SRSF7: variants seen among roughly 807,000 people sequenced by gnomAD.
SRSF7 encodes the protein serine/arginine-rich splicing factor 7.
In SRSF7, 15 loss-of-function variants were observed where a neutral mutation model predicts 42.2. The observed-to-expected ratio is 0.36, with a 90% CI of 0.24 to 0.55. SRSF7 has a LOEUF of 0.55. Ranked by LOEUF, SRSF7 falls within the 20% of genes least tolerant of loss-of-function variation. The pLI, the probability that SRSF7 is intolerant of heterozygous loss-of-function variation, is 0.88. For missense variants in SRSF7, 181 were observed against 305.9 expected (o/e 0.59, Z 3.04); for synonymous variants, 138 against 107.9 (o/e 1.28, Z -1.73).
Position 38,749,648 on chromosome 2 carries a change from T to A in SRSF7, c.267A>T (p.Ser89=). Residue 89 remains serine, a synonymous_variant, in exon 3 of 8, where the codon TCA becomes TCT. Coordinates refer to ENST00000313117, the MANE Select transcript of SRSF7 (RefSeq NM_001031684.3). ...VELSTGMPRR[S]RFDRPPARRP... is the part of the protein sequence containing the mutation. ...GTCGGGCAGGTGGTCTATCAAAACG[T>A]GATCTCCGAGGCATGCCTGTCGATA... 1.2e-6 allele frequency: 2 copies of A among 1,602,188 alleles called. No homozygotes were observed. The highest frequency in any genetic ancestry group is 1.3e-5 in the African/African-American group (1 of 74,322).
chr2:38,749,755 CTTATAGAT>C, intron 2 of SRSF7, 50 bp from the exon 3 acceptor site: 4 of 1,468,886 alleles, frequency 2.7e-6, no homozygotes, highest in Non-Finnish European at 3.6e-6. Flanking sequence ...ATATTCAGGA[CTTATAGAT>C]TTAAAAAGAA....
chr2:38,748,498 A>C, intron 4 of SRSF7, 81 bp downstream of exon 4: 1 of 1,474,640 alleles, frequency 6.8e-7, no homozygotes, highest in Non-Finnish European at 9.4e-7. Flanking sequence ...GTCTCCAAAA[A>C]AAATAATGAG....
Position 38,744,557 on chromosome 2 carries a change from A to T in SRSF7, c.*576T>A. ...TTTAGTTCCTGTCATGCTCATTTAGACACATCAGTGGTCCTACTTGCTTCA... is the reference window on the plus strand; with the variant it reads ...TTTAGTTCCTGTCATGCTCATTTAGTCACATCAGTGGTCCTACTTGCTTCA... On this transcript the variant is annotated 3_prime_UTR_variant, in exon 8 of 8. Coordinates refer to ENST00000313117, the MANE Select transcript of SRSF7 (RefSeq NM_001031684.3). The T allele has an allele frequency of 6.6e-6, 1 of 152,392 alleles. No homozygotes were observed. Among genetic ancestry groups the T allele is most frequent in the Non-Finnish European group, 1.5e-5 (1 of 68,198 alleles). 9.4% of individuals were successfully genotyped at this position (152,392 alleles called of 1,614,324 possible).
intron 1 of SRSF7, chr2:38,750,693 T>TA (rs34409505): frequency 0.56 from 88,042 of 156,318 alleles, 26,347 homozygotes; most frequent in East Asian, 0.87. Flanking sequence ...TGGAAATAAC[T>TA]AAAAAAAACC....
Position 38,745,127 on chromosome 2 carries a change from A to G in SRSF7, c.*6T>C. 1 of 1,614,122 alleles carries G rather than the reference A, an allele frequency of 6.2e-7. No individual in the cohort carries two copies. The highest frequency in any genetic ancestry group is 1.1e-5 in the South Asian group (1 of 91,070). On this transcript the variant is annotated 3_prime_UTR_variant, in exon 8 of 8. Transcript: ENST00000313117. ...AACTTTTCCCTAAAGGGTGAACTTG[A>G]GAGCTTCAGTCCATTCTTTCAGGAC...
At chr2:38,746,060 C>G (rs1667357949) in intron 7 of SRSF7, 84 bp downstream of exon 7, 2 of 1,408,870 alleles carry the variant, frequency 1.4e-6, no homozygotes, top group Non-Finnish European at 2.0e-6. Context: ...CCAAAGAGCT[C>G]AAAGACTGCA....
chr2:38,748,181 A>C, intron 4 of SRSF7, 24 bp from the exon 5 acceptor site: 1 of 1,559,156 alleles, frequency 6.4e-7, no homozygotes, highest in South Asian at 1.2e-5. Flanking sequence ...CTTTAAGTCC[A>C]TCTCCACAGT....
upstream of SRSF7, chr2:38,751,401 G>A (rs899841618): frequency 3.2e-5 from 35 of 1,078,820 alleles, no homozygotes; most frequent in Non-Finnish European, 4.4e-5. Context: ...TGCGGCCGCT[G>A]CGCTTTGCGC....
intron 1 of SRSF7, 44 bp from the exon 2 acceptor site, chr2:38,750,238 T>C: frequency 1.3e-6 from 2 of 1,546,916 alleles, no homozygotes; most frequent in Non-Finnish European, 1.7e-6. Flanking sequence ...ACGCAAAATC[T>C]GGCCCAAGTT....
intron 5 of SRSF7, 140 bp downstream of exon 5, chr2:38,747,907 G>T: frequency 1.8e-6 from 1 of 568,860 alleles, no homozygotes; most frequent in Non-Finnish European, 3.1e-6. Flanking sequence ...TAATATTTAT[G>T]TTACAAGTTA....
intron 7 of SRSF7, among the ~76,000 whole-genome samples, chr2:38,745,845 G>T (rs988523610): frequency 2.0e-5 from 3 of 152,180 alleles, no homozygotes; most frequent in African/African-American, 7.2e-5. Flanking sequence ...TCCACACTTT[G>T]TATCTATTGT....
chr2:38,746,158 T>G lies in SRSF7; in HGVS notation c.648A>C (p.Pro216=). 1 of 1,614,122 alleles carries G rather than the reference T, an allele frequency of 6.2e-7. No homozygotes were observed. The highest frequency in any genetic ancestry group is 8.5e-7 in the Non-Finnish European group (1 of 1,180,008). Residue 216 remains proline, a synonymous_variant, in exon 7 of 8, where the codon CCA becomes CCC. Transcript: ENST00000313117. ...ATTTAGCTTACCTTCTTTTTGGAGATGGAGATCTGGACTTTGATCGGCTGT... is the reference window on the plus strand; with the variant it reads ...ATTTAGCTTACCTTCTTTTTGGAGAGGGAGATCTGGACTTTGATCGGCTGT... The part of the protein sequence containing the change: ...PRSSRSKSRS[P]SPKRSRSPSG...
chr2:38,745,236 T>A (rs1368030960), intron 7 of SRSF7, 49 bp from the exon 8 acceptor site: 1 of 1,593,024 alleles, frequency 6.3e-7, no homozygotes, highest in East Asian at 2.2e-5. Flanking sequence ...CAATTGAAAC[T>A]CTCATGTACA....
chr2:38,747,212 C>G (rs997853477), intron 5 of SRSF7: 6 of 393,462 alleles, frequency 1.5e-5, no homozygotes, highest in Middle Eastern at 7.1e-4. Context: ...AGCCGCCCCC[C>G]ATTTGTAAGG....
chr2:38,751,361 C>T lies in SRSF7; in HGVS notation c.-105G>A. 1.3e-6 allele frequency: 2 copies of T among 1,509,870 alleles called. No individual in the cohort carries two copies. The highest frequency in any genetic ancestry group is 1.8e-6 in the Non-Finnish European group (2 of 1,092,574). 93.5% of individuals were successfully genotyped at this position (1,509,870 alleles called of 1,614,324 possible). On this transcript the variant is annotated 5_prime_UTR_variant, in exon 1 of 8. Coordinates refer to ENST00000313117, the MANE Select transcript of SRSF7 (RefSeq NM_001031684.3). The stretch of plus-strand genomic sequence containing the variant: ...CCCGCCAAGAGTCCCGGCGGCACTA[C>T]GAGGAAGAGCCCGGGTTCGCGTTTA...
In SRSF7 at chr2:38,744,079, G is replaced by C; in HGVS notation, c.*1054C>G. The C allele has an allele frequency of 1.3e-5, 2 of 152,512 alleles. No individual in the cohort carries two copies. Among genetic ancestry groups the C allele is most frequent in the East Asian group, 3.9e-4 (2 of 5,182 alleles). 9.4% of individuals were successfully genotyped at this position (152,512 alleles called of 1,614,324 possible). A position where few individuals can be genotyped will look rare whatever the true frequency, so the allele number is the denominator to read the frequency against. On this transcript the variant is annotated 3_prime_UTR_variant, in exon 8 of 8. Coordinates refer to ENST00000313117, the MANE Select transcript of SRSF7 (RefSeq NM_001031684.3). ...TACCAAAAAATATTAGCTACATGGAGTGTTGCTAAATATAGCTGAGATTTA... is the reference window on the plus strand; with the variant it reads ...TACCAAAAAATATTAGCTACATGGACTGTTGCTAAATATAGCTGAGATTTA...
chr2:38,743,848 T>G lies in SRSF7; in HGVS notation c.*1285A>C. ...CAAGTTGCAATAGTATCCAATGACT[T>G]TGCTGAAATGCATAAAATGGACAAG... On this transcript the variant is annotated 3_prime_UTR_variant, in exon 8 of 8. Coordinates refer to ENST00000313117, the MANE Select transcript of SRSF7 (RefSeq NM_001031684.3). 1.3e-5 allele frequency: 2 copies of G among 152,362 alleles called. No homozygotes were observed. Among genetic ancestry groups the G allele is most frequent in the African/African-American group, 4.8e-5 (2 of 41,410 alleles). 9.4% of individuals were successfully genotyped at this position (152,362 alleles called of 1,614,324 possible).
At position 38,745,005 on chromosome 2, in the gene SRSF7, T is replaced by C; in HGVS notation, c.*128A>G. 2 of 893,062 alleles carry C rather than the reference T, an allele frequency of 2.2e-6. No homozygotes were observed. Among genetic ancestry groups the C allele is most frequent in the South Asian group, 1.9e-5 (1 of 52,978 alleles). The allele number at this position is 893,062 out of a possible 1,614,324, so 55.3% of individuals were successfully genotyped here. A position where few individuals can be genotyped will look rare whatever the true frequency, so the allele number is the denominator to read the frequency against. On this transcript the variant is annotated 3_prime_UTR_variant, in exon 8 of 8. Transcript: ENST00000313117. ...ATTATCTTACTGCTGTGAATTTACATAGTAATCCAGATCCATTTTGATTAG... is the reference window on the plus strand; with the variant it reads ...ATTATCTTACTGCTGTGAATTTACACAGTAATCCAGATCCATTTTGATTAG...
intron 1 of SRSF7, among the ~76,000 whole-genome samples, 195 bp from the exon 2 acceptor site, chr2:38,750,389 C>G (rs1398989263): frequency 2.0e-5 from 3 of 151,924 alleles, no homozygotes; most frequent in Non-Finnish European, 2.9e-5. Context: ...TGACAAAATT[C>G]TTAACGTTCT....
Sources: gnomAD v4.1 joint callset for allele counts (sites outside exome capture counted in the v4.1 genomes callset) on GRCh38, gnomAD v4.1.1 for gene constraint, MANE v1.5 for transcripts, NCBI Gene and HGNC (gene_info 2026-07-23, HGNC 2026-07-21) for gene names.